The following MID1 variants were observed in gnomAD, a reference collection of about 807,000 sequenced individuals.
MID1 encodes E3 ubiquitin-protein ligase Midline-1.
Under a neutral mutation model 40.4 loss-of-function variants are expected in MID1, and 7 were observed. That is an observed-to-expected ratio of 0.17 (90% confidence interval 0.10 to 0.33). The LOEUF is 0.33. Among genes scored for constraint, MID1 ranks in the 10% least tolerant of loss-of-function variants. The pLI is 1.00. For synonymous variants in MID1, 229 were observed against 221.2 expected, an observed-to-expected ratio of 1.04 and a Z score of -0.31; for missense variants, 367 against 558.5, an observed-to-expected ratio of 0.66 and a Z score of 3.46.
intron 1 of MID1, among the ~76,000 whole-genome samples, chrX:10,699,357 T>G: frequency 8.9e-6 from 1 of 112,461 alleles, no homozygotes; most frequent in Non-Finnish European, 1.9e-5. Flanking sequence ...TAAACACTTT[T>G]ATTCCACCAT....
intron 1 of MID1, among the ~76,000 whole-genome samples, chrX:10,593,762 GACACACACAC>G (rs57390547): frequency 9.6e-5 from 8 of 83,331 alleles, no homozygotes; most frequent in South Asian, 1.4e-3. Context: ...CTGTCCCTCT[GACACACACAC>G]ACACACACAC....
In MID1 at chrX:10,502,423, C is replaced by G. The variant is rs184354411; in HGVS notation, c.757-6732G>C. Among the ~76,000 whole-genome samples, 189 of 111,619 alleles carry G rather than the reference C, an allele frequency of 1.7e-3. 1 individual carries two copies. Among genetic ancestry groups the G allele is most frequent in the South Asian group, 4.6e-3 (12 of 2,597 alleles). On this transcript the variant is annotated intron_variant, in intron 3 of 9. Transcript: ENST00000317552. ...TGAAGTAAGCTTGGGACAGGATAAC[C>G]CCAACGTGTTGGAGACAGGATATTC...
intron 1 of MID1, among the ~76,000 whole-genome samples, chrX:10,594,791 T>G (rs1247784014): frequency 8.9e-6 from 1 of 112,119 alleles, no homozygotes; most frequent in Admixed American, 9.5e-5. Context: ...CGCACTTGTA[T>G]TAATTCTTCA....
At chrX:10,781,049 G>T (rs2043842269) in intron 1 of MID1, among the ~76,000 whole-genome samples, 1 of 111,750 alleles carries the variant, frequency 8.9e-6, no homozygotes, top group African/African-American at 3.3e-5. Context: ...GGAGGTTGGG[G>T]ACCCCTGGTT....
Position 10,733,148 on chromosome X carries a change from C to T in MID1, c.-187+100406G>A, listed in dbSNP as rs147012484. Among the ~76,000 whole-genome samples the T allele has an allele frequency of 6.2e-3, 695 of 111,733 alleles. 6 individuals are homozygous for T. The highest frequency in any genetic ancestry group is 0.021 in the African/African-American group (647 of 30,789). On this transcript the variant is annotated intron_variant, in intron 1 of 10. Coordinates refer to the MID1 transcript ENST00000380785. ...AAGTGCTGGGATTACAGGCGTGAGC[C>T]ACCGCGCCCGGCCGGTAAGTTGATT...
At chrX:10,643,833 T>G (rs1936231566) in intron 1 of MID1, among the ~76,000 whole-genome samples, 1 of 111,568 alleles carries the variant, frequency 9.0e-6, no homozygotes, top group East Asian at 2.8e-4. Flanking sequence ...CCATAAAAAA[T>G]GATGAGTTCA....
chrX:10,501,705 T>C (rs1931552752), intron 3 of MID1: 2 of 476,063 alleles, frequency 4.2e-6, no homozygotes, highest in East Asian at 7.6e-5. Flanking sequence ...CAATAATCAG[T>C]TGCAGTCCCA....
intron 6 of MID1, among the ~76,000 whole-genome samples, chrX:10,470,872 AAT>A (rs1189019166): frequency 2.7e-5 from 3 of 112,149 alleles, no homozygotes; most frequent in Non-Finnish European, 5.6e-5. Flanking sequence ...CATTGTAAAT[AAT>A]ATTTTAGAGG....
chrX:10,667,555 C>CA (rs765214657), intron 1 of MID1, among the ~76,000 whole-genome samples: 12 of 111,553 alleles, frequency 1.1e-4, no homozygotes, highest in Non-Finnish European at 2.1e-4. Flanking sequence ...CTGTATTGCA[C>CA]AAAAAGAGAA....
Position 10,457,453 on chromosome X carries a change from T to C in MID1, c.1447+2193A>G, listed in dbSNP as rs151094375. ...CAAATTAGTTCAAGAAAGAGATTAA[T>C]AGCTTACTTTACTAAATAATTCAAT... On this transcript the variant is annotated intron_variant, in intron 8 of 9. Transcript: ENST00000317552. Among the ~76,000 whole-genome samples the C allele has an allele frequency of 4.7e-3, 523 of 112,466 alleles. 2 individuals carry two copies. The highest frequency in any genetic ancestry group is 0.015 in the African/African-American group (456 of 31,034).
At chrX:10,486,354 A>G (rs1485414979) in intron 4 of MID1, among the ~76,000 whole-genome samples, 1 of 111,791 alleles carries the variant, frequency 8.9e-6, no homozygotes, top group Non-Finnish European at 1.9e-5. Flanking sequence ...CCCACTTCCA[A>G]TTGCTTGTCA....
chrX:10,825,919 C>T (rs1014537924), intron 1 of MID1, among the ~76,000 whole-genome samples: 4 of 111,536 alleles, frequency 3.6e-5, no homozygotes, highest in Non-Finnish European at 7.5e-5. Context: ...AAGTGATTTT[C>T]ATTCACGTAG....
At chrX:10,666,921 G>A (rs2042954795) in intron 1 of MID1, among the ~76,000 whole-genome samples, 2 of 111,951 alleles carry the variant, frequency 1.8e-5, no homozygotes, top group East Asian at 5.6e-4. Context: ...TTCCTGACAT[G>A]AAAGCTGGTA....
At chrX:10,767,249 A>C (rs1400339310) in intron 1 of MID1, among the ~76,000 whole-genome samples, 1 of 112,568 alleles carries the variant, frequency 8.9e-6, no homozygotes, top group Admixed American at 9.4e-5. Context: ...GGCTCATTAG[A>C]AAATGGGCAT....
intron 1 of MID1, among the ~76,000 whole-genome samples, chrX:10,817,909 G>A (rs983930255): frequency 5.4e-5 from 6 of 111,406 alleles, no homozygotes; most frequent in Non-Finnish European, 7.5e-5. Context: ...ATGAGTCACC[G>A]CACCTGGCCA....
chrX:10,671,154 C>T (rs139402593), intron 1 of MID1, among the ~76,000 whole-genome samples: 1,277 of 111,947 alleles, frequency 0.011, 17 homozygotes, highest in African/African-American at 0.039. Context: ...GCAGTAATTG[C>T]TAACCCTGTG....
At chrX:10,468,602 G>A (rs2147278798) in intron 7 of MID1, among the ~76,000 whole-genome samples, 1 of 111,967 alleles carries the variant, frequency 8.9e-6, no homozygotes, top group South Asian at 3.8e-4. Context: ...CATGTCTTCT[G>A]GTCCATTGCC....
At chrX:10,534,999 G>C (rs1933187259) in intron 2 of MID1, among the ~76,000 whole-genome samples, 1 of 112,324 alleles carries the variant, frequency 8.9e-6, no homozygotes, top group African/African-American at 3.2e-5. Flanking sequence ...TCTTTACTCA[G>C]CCATTTCCTC....
Position 10,755,767 on chromosome X carries a change from G to T in MID1, c.-187+77787C>A, listed in dbSNP as rs148688151. Among the ~76,000 whole-genome samples, 413 of 111,994 alleles carry T rather than the reference G, an allele frequency of 3.7e-3. 5 individuals are homozygous for T. The highest frequency in any genetic ancestry group is 0.013 in the African/African-American group (391 of 30,804). On this transcript the variant is annotated intron_variant, in intron 1 of 10. Transcript: ENST00000380785. ...CTTTATAGCCTTCAGAGAAACAGAG[G>T]CATATGAAGAACAGCCCGGGGAACT...
Sources: allele counts gnomAD v4.1 joint callset (sites outside exome capture counted in the v4.1 genomes callset), GRCh38; gene constraint gnomAD v4.1.1; transcripts MANE v1.5; gene names NCBI Gene and HGNC (gene_info 2026-07-23, HGNC 2026-07-21).